The following ANK3 variants were observed in gnomAD, a reference collection of about 807,000 sequenced individuals.
ANK3 encodes the protein ankyrin 3.
ANK3 carries 57 observed loss-of-function variants against 370.9 expected under a neutral mutation model. The ratio of observed to expected loss-of-function variants is 0.15; its 90% CI spans 0.12 to 0.19. The LOEUF is 0.19. ANK3 is among the 10% of genes least tolerant of loss of function. The pLI, the probability that ANK3 is intolerant of heterozygous loss-of-function variation, is 1.00. For synonymous variants in ANK3, 1,929 were observed against 1,946.3 expected, an observed-to-expected ratio of 0.99 and a Z score of 0.23; for missense variants, 4,439 against 5,302.1, an observed-to-expected ratio of 0.84 and a Z score of 5.06.
In ANK3 at chr10:60,068,753, C is replaced by G; in HGVS notation, c.12128G>C (p.Arg4043Pro). 1 of 1,614,152 alleles carries G rather than the reference C, an allele frequency of 6.2e-7. No homozygotes were observed. Among genetic ancestry groups the G allele is most frequent in the Non-Finnish European group, 8.5e-7 (1 of 1,180,012 alleles). Residue 4043 changes from arginine to proline, a missense_variant, in exon 37 of 44, where the codon CGG (arginine) becomes CCG (proline). Physicochemically the swap from Arg to Pro is moderately radical, Grantham distance 103. This residue lies in a region of ANK3 where 496 missense variants were observed against 529.3 expected (regional missense o/e 0.94). Coordinates refer to ENST00000280772, the MANE Select transcript of ANK3 (RefSeq NM_020987.5). ...SRNTSLSETS[R>P]GGQPSVTTKS... ...CGTTGTAACCGAAGGCTGGCCACCC[C>G]GGGAAGTCTCGGACAACGACGTGTT...
chr10:60,396,344 A>G (rs2063239266), intron 2 of ANK3, among the ~76,000 whole-genome samples: 1 of 152,034 alleles, frequency 6.6e-6, no homozygotes, highest in African/African-American at 2.4e-5. Context: ...CAGGTATTTC[A>G]CTCTATTAGG....
intron 10 of ANK3, among the ~76,000 whole-genome samples, chr10:60,206,413 C>T (rs1280824126): frequency 1.3e-5 from 2 of 152,160 alleles, no homozygotes; most frequent in African/African-American, 4.8e-5. Context: ...GCGGAGGTTG[C>T]AGTGAGCCGA....
intron 1 of ANK3, among the ~76,000 whole-genome samples, chr10:60,345,137 AC>A (rs2055149900): frequency 1.3e-5 from 2 of 152,224 alleles, no homozygotes; most frequent in African/African-American, 4.8e-5. Context: ...CTATGCCTCA[AC>A]TGAGCATTAA....
intron 1 of ANK3, among the ~76,000 whole-genome samples, chr10:60,675,024 G>A (rs1484059448): frequency 1.3e-5 from 2 of 152,154 alleles, no homozygotes; most frequent in Non-Finnish European, 2.9e-5. Context: ...CATTTGCATT[G>A]CAAGTAGCAA....
chr10:60,213,200 C>CCA (rs2096883295), intron 9 of ANK3, among the ~76,000 whole-genome samples: 1 of 151,992 alleles, frequency 6.6e-6, no homozygotes, highest in Admixed American at 6.6e-5. Flanking sequence ...ACAACAAAAA[C>CCA]CACACACACA....
intron 41 of ANK3, 142 bp downstream of exon 41, chr10:60,059,198 A>T (rs543870014): frequency 1.5e-6 from 1 of 662,734 alleles, no homozygotes. Context: ...CCAGATTAGC[A>T]TAATGAACTG....
intron 2 of ANK3, among the ~76,000 whole-genome samples, chr10:60,456,960 G>A (rs1166442927): frequency 5.3e-5 from 8 of 152,050 alleles, no homozygotes; most frequent in Admixed American, 1.3e-4. Context: ...TTGCCTGCCC[G>A]AGTCTTCAAC....
chr10:60,473,966 C>CAAAAAAAAAAA (rs139841930), intron 2 of ANK3, among the ~76,000 whole-genome samples: 1 of 92,690 alleles, frequency 1.1e-5, no homozygotes, highest in African/African-American at 4.3e-5. Flanking sequence ...CCTGTTTCTA[C>CAAAAAAAAAAA]AAAAAAAAAA....
chr10:60,382,756 T>C (rs577940290), intron 1 of ANK3, among the ~76,000 whole-genome samples: 1 of 149,794 alleles, frequency 6.7e-6, no homozygotes, highest in South Asian at 2.1e-4. Flanking sequence ...TATAATGTTG[T>C]ATTTAGATAT....
At chr10:60,227,399 C>G (rs1054340689) in intron 8 of ANK3, among the ~76,000 whole-genome samples, 1 of 151,836 alleles carries the variant, frequency 6.6e-6, no homozygotes, top group African/African-American at 2.4e-5. Flanking sequence ...TGATATGACT[C>G]TGTGTGGTTT....
intron 41 of ANK3, among the ~76,000 whole-genome samples, chr10:60,057,614 G>A (rs777183670): frequency 1.3e-4 from 20 of 152,052 alleles, no homozygotes; most frequent in Admixed American, 3.3e-4. Flanking sequence ...GCTTGCCGGC[G>A]TTCTCCTACC....
At chr10:60,649,819 G>A (rs1258328969) in intron 1 of ANK3, among the ~76,000 whole-genome samples, 2 of 152,122 alleles carry the variant, frequency 1.3e-5, no homozygotes, top group African/African-American at 4.8e-5. Flanking sequence ...TTTCTTCTAG[G>A]TTCATGATAG....
intron 2 of ANK3, among the ~76,000 whole-genome samples, chr10:60,418,205 T>C (rs1285597484): frequency 6.6e-6 from 1 of 152,194 alleles, no homozygotes; most frequent in Non-Finnish European, 1.5e-5. Context: ...ATGGTCCATC[T>C]GAAGCACCAC....
intron 23 of ANK3, among the ~76,000 whole-genome samples, chr10:60,157,358 G>C (rs1366220846): frequency 1.3e-5 from 2 of 148,400 alleles, no homozygotes; most frequent in East Asian, 2.0e-4. Flanking sequence ...TTTTTTAAAG[G>C]GGTTCTCACT....
intron 1 of ANK3, among the ~76,000 whole-genome samples, chr10:60,707,950 C>G (rs2079643783): frequency 6.6e-6 from 1 of 152,102 alleles, no homozygotes; most frequent in Non-Finnish European, 1.5e-5. Context: ...AGTCAGAATC[C>G]TGCTAGTGCG....
chr10:60,311,235 T>C (rs1181141503), intron 1 of ANK3, among the ~76,000 whole-genome samples: 3 of 152,122 alleles, frequency 2.0e-5, no homozygotes, highest in East Asian at 1.9e-4. Context: ...AGCACACAGA[T>C]GAATGAAGAA....
chr10:60,527,597 C>T (rs2076504101), intron 2 of ANK3, among the ~76,000 whole-genome samples: 1 of 152,064 alleles, frequency 6.6e-6, no homozygotes, highest in African/African-American at 2.4e-5. Flanking sequence ...TCAAAGTCCT[C>T]CTCAATTCAA....
intron 2 of ANK3, among the ~76,000 whole-genome samples, chr10:60,488,175 T>G (rs2075398700): frequency 1.3e-5 from 2 of 152,132 alleles, no homozygotes; most frequent in South Asian, 2.1e-4. Flanking sequence ...TTAAATGAGA[T>G]AGATGCCATT....
At chr10:60,278,617 C>T (rs527604987) in intron 4 of ANK3, among the ~76,000 whole-genome samples, 157 bp downstream of exon 4, 54 of 152,240 alleles carry the variant, frequency 3.5e-4, no homozygotes, top group African/African-American at 9.9e-4. Context: ...GTGATCTGCC[C>T]GCCTTTGCCT....
Sources: gnomAD v4.1 joint callset for allele counts (sites outside exome capture counted in the v4.1 genomes callset) on GRCh38, gnomAD v4.1.1 for gene constraint, gnomAD v4.1.1 regional missense constraint, MANE v1.5 for transcripts, NCBI Gene and HGNC (gene_info 2026-07-23, HGNC 2026-07-21) for gene names.